Variants in ABI1 observed in about 807,000 individuals in gnomAD.
The protein encoded by ABI1 is Abelson interactor 1.
ABI1 carries 14 observed loss-of-function variants against 54.6 expected under a neutral mutation model. That is an observed-to-expected ratio of 0.26 (90% CI 0.17 to 0.40). The LOEUF (loss-of-function observed/expected upper bound fraction) is 0.40. Among genes scored for constraint, ABI1 ranks in the 10% least tolerant of loss-of-function variants. The pLI, the probability that ABI1 is intolerant of heterozygous loss-of-function variation, is 1.00. For synonymous variants in ABI1, 194 were observed against 209.3 expected (o/e 0.93, Z 0.63); for missense variants, 443 against 598.3 (o/e 0.74, Z 2.71).
intron 1 of ABI1, among the ~76,000 whole-genome samples, chr10:26,852,379 C>T (rs1014649423): frequency 4.6e-5 from 7 of 151,500 alleles, no homozygotes; most frequent in African/African-American, 7.3e-5. Context: ...CTCAGGATGC[C>T]GAGGCAGGAG....
At chr10:26,843,027 G>A (rs901976499) in intron 1 of ABI1, among the ~76,000 whole-genome samples, 5 of 151,962 alleles carry the variant, frequency 3.3e-5, no homozygotes, top group African/African-American at 1.2e-4. Context: ...CTGGGCGACA[G>A]AGCAAGACTC....
At chr10:26,785,432 T>C (rs530146601) in intron 2 of ABI1, among the ~76,000 whole-genome samples, 2 of 152,264 alleles carry the variant, frequency 1.3e-5, no homozygotes, top group East Asian at 3.9e-4. Context: ...AATAAAGATA[T>C]CATCTCCAGT....
chr10:26,809,817 A>G (rs1273526685), intron 2 of ABI1, among the ~76,000 whole-genome samples: 1 of 152,142 alleles, frequency 6.6e-6, no homozygotes, highest in African/African-American at 2.4e-5. Flanking sequence ...AGCTCCCTGG[A>G]TGGTGAACAC....
At chr10:26,821,626 C>T (rs536506382) in intron 2 of ABI1, among the ~76,000 whole-genome samples, 71 of 152,102 alleles carry the variant, frequency 4.7e-4, no homozygotes, top group African/African-American at 1.7e-3. Context: ...GGCAAAACCC[C>T]GTCTCTACTA....
intron 7 of ABI1, among the ~76,000 whole-genome samples, chr10:26,760,700 G>A (rs942173766): frequency 1.3e-5 from 2 of 151,886 alleles, no homozygotes; most frequent in Non-Finnish European, 2.9e-5. Flanking sequence ...GACCAGCCTG[G>A]CCATCATGGC....
At chr10:26,854,160 A>G (rs11015347) in intron 1 of ABI1, among the ~76,000 whole-genome samples, 39,058 of 152,004 alleles carry the variant, frequency 0.26, 5,719 homozygotes, top group South Asian at 0.44. Context: ...GTATCCTAAG[A>G]GATTATTTCA....
intron 1 of ABI1, among the ~76,000 whole-genome samples, chr10:26,856,875 G>A (rs2134337841): frequency 6.6e-6 from 1 of 152,100 alleles, no homozygotes; most frequent in East Asian, 1.9e-4. Context: ...CATAACAAAG[G>A]CAGTATGAAC....
rs117098286 is a variant in ABI1, at chr10:26,859,071, A to T, written c.117+1676T>A. On this transcript the variant is annotated intron_variant, in intron 1 of 10. Transcript: ENST00000376140. The stretch of plus-strand genomic sequence containing the variant: ...AGTTGAATAAAAGTTGCCTATTTTT[A>T]ATATCGATAAACTACGAGATCACTT... 2.6e-3 allele frequency among the ~76,000 whole-genome samples: 391 copies of T among 152,344 alleles called. 11 individuals carry two copies. The East Asian group carries it at 0.054, about 21-fold the overall frequency.
At chr10:26,839,648 G>GC in intron 1 of ABI1, 1 of 596,838 alleles carries the variant, frequency 1.7e-6, no homozygotes. Flanking sequence ...AAGTACTTCT[G>GC]TTTAAAAAAA....
At chr10:26,766,191 G>A (rs1839934317) in intron 6 of ABI1, among the ~76,000 whole-genome samples, 1 of 152,168 alleles carries the variant, frequency 6.6e-6, no homozygotes. Context: ...CAATAGTGAA[G>A]TTTCAGTGTG....
At chr10:26,758,106 C>T (rs922869783) in intron 8 of ABI1, among the ~76,000 whole-genome samples, 14 of 149,004 alleles carry the variant, frequency 9.4e-5, no homozygotes, top group African/African-American at 3.5e-4. Flanking sequence ...TTTCCCCTAG[C>T]TCTGCTTTAA....
chr10:26,791,265 T>A (rs12358409), intron 2 of ABI1, among the ~76,000 whole-genome samples: 22,424 of 151,772 alleles, frequency 0.15, 2,156 homozygotes, highest in African/African-American at 0.28. Flanking sequence ...AAAAGCTCTC[T>A]CCCCTATCCA....
intron 2 of ABI1, among the ~76,000 whole-genome samples, chr10:26,812,819 C>G (rs918359343): frequency 2.6e-5 from 4 of 152,194 alleles, no homozygotes; most frequent in African/African-American, 9.6e-5. Context: ...TTAATTACCT[C>G]TTCAAAGACC....
chr10:26,829,797 T>C, intron 1 of ABI1, among the ~76,000 whole-genome samples: 1 of 152,186 alleles, frequency 6.6e-6, no homozygotes. Flanking sequence ...TAGGATGCTA[T>C]GGATCACCTC....
At chr10:26,806,925 C>T (rs573688854) in intron 2 of ABI1, among the ~76,000 whole-genome samples, 4 of 152,300 alleles carry the variant, frequency 2.6e-5, no homozygotes, top group South Asian at 2.1e-4. Context: ...AGTTGTCACA[C>T]ATAAGAAATC....
chr10:26,841,409 T>G (rs2049493615), intron 1 of ABI1, among the ~76,000 whole-genome samples: 1 of 151,840 alleles, frequency 6.6e-6, no homozygotes, highest in South Asian at 2.1e-4. Flanking sequence ...CTTTTTTTTT[T>G]TTTTTTGGTT....
chr10:26,766,971 A>G (rs1441527277), intron 6 of ABI1, among the ~76,000 whole-genome samples: 5 of 152,222 alleles, frequency 3.3e-5, no homozygotes, highest in South Asian at 2.1e-4. Flanking sequence ...GAGTAATTGC[A>G]TCAGAAACCA....
rs1265536590 is a variant in ABI1, at chr10:26,835,093, A to AC, written c.118-11789_118-11788insG. 2.4e-5 allele frequency among the ~76,000 whole-genome samples: 3 copies of AC among 122,870 alleles called. No individual in the cohort carries two copies. The East Asian group carries it at 9.2e-4, about 38-fold the overall frequency. 80.6% of individuals were successfully genotyped at this position (122,870 alleles called of 152,430 possible). A position where few individuals can be genotyped will look rare whatever the true frequency, so the allele number is the denominator to read the frequency against. ...AACTGAGCAAGATTCTACCTCAAAA[A>AC]AAAAAAAAAAAAAAAAAAAAAACCC... is the stretch of plus-strand genomic sequence containing the variant. On this transcript the variant is annotated intron_variant, in intron 1 of 10. Transcript: ENST00000376140.
intron 2 of ABI1, among the ~76,000 whole-genome samples, chr10:26,818,631 C>CAA (rs376157276): frequency 0.087 from 6,381 of 73,010 alleles, 322 homozygotes; most frequent in East Asian, 0.18. Context: ...GACCCCGTCA[C>CAA]AAAAAAAAAA....
Sources: gnomAD v4.1 joint callset for allele counts (sites outside exome capture counted in the v4.1 genomes callset) on GRCh38, gnomAD v4.1.1 for gene constraint, MANE v1.5 for transcripts, NCBI Gene and HGNC (gene_info 2026-07-23, HGNC 2026-07-21) for gene names.